The following ARL10 variants were observed in gnomAD, a reference collection of about 807,000 sequenced individuals.
The protein encoded by ARL10 is ARF like GTPase 10, also known as ADP-ribosylation factor-like protein 10.
ARL10 carries 23 observed loss-of-function variants against 26.1 expected under a neutral mutation model. The ratio of observed to expected loss-of-function variants is 0.88; its 90% CI spans 0.63 to 1.25. The LOEUF (loss-of-function observed/expected upper bound fraction) is 1.25. ARL10 is among the 50% of genes most tolerant of loss of function. The pLI is 0.00. For missense variants in ARL10, 300 were observed against 323.6 expected, an observed-to-expected ratio of 0.93 and a Z score of 0.56; for synonymous variants, 138 against 149.1, an observed-to-expected ratio of 0.93 and a Z score of 0.54.
At chr5:176,384,533 T>C (rs957802357), downstream of ARL10, 1 of 703,200 alleles carries the variant, frequency 1.4e-6, no homozygotes, top group Admixed American at 3.0e-5. Flanking sequence ...ATGCCTGTAA[T>C]CCCAACACTC....
At chr5:176,383,518 G>C (rs1755604152), downstream of ARL10, among the ~76,000 whole-genome samples, 1 of 152,248 alleles carries the variant, frequency 6.6e-6, no homozygotes. Context: ...CCAGAAGCCA[G>C]GTTGGGGGCC....
At chr5:176,394,935 A>C (rs1405191570) in intron 1 of ARL10, among the ~76,000 whole-genome samples, 1 of 151,996 alleles carries the variant, frequency 6.6e-6, no homozygotes. Context: ...GGTATTCCAC[A>C]GCACCCATGC....
At chr5:176,371,168 A>G (rs370958237) in intron 3 of ARL10, among the ~76,000 whole-genome samples, 138 of 152,310 alleles carry the variant, frequency 9.1e-4, no homozygotes, top group African/African-American at 3.0e-3. Context: ...TGAGGTCAGG[A>G]GTTCGAGACC....
At chr5:176,389,965 C>A (rs1756194509), downstream of ARL10, among the ~76,000 whole-genome samples, 1 of 151,962 alleles carries the variant, frequency 6.6e-6, no homozygotes, top group Non-Finnish European at 1.5e-5. Flanking sequence ...AGCGGATCAC[C>A]TGAGGTCAAG....
intron 1 of ARL10, among the ~76,000 whole-genome samples, chr5:176,400,880 C>T (rs557132061): frequency 1.3e-5 from 2 of 152,296 alleles, no homozygotes; most frequent in East Asian, 3.9e-4. Context: ...CCAGCAGGCA[C>T]CCGGTTCAAG....
downstream of ARL10, chr5:176,392,369 C>A (rs150383678): frequency 7.1e-5 from 12 of 169,728 alleles, no homozygotes; most frequent in East Asian, 1.9e-3. This position sits in a 1 kb window ranked among gnomAD's most constrained non-coding sequence, Gnocchi z 5.2. Flanking sequence ...TCCCACTTGG[C>A]TGGGAAATGG....
At chr5:176,384,447 G>A (rs1337883935), downstream of ARL10, 7 of 1,454,656 alleles carry the variant, frequency 4.8e-6, no homozygotes, top group Admixed American at 7.8e-5. Context: ...CCTGAATTAG[G>A]CAAGCCACTT....
intron 1 of ARL10, chr5:176,397,652 T>A (rs552006552): frequency 1.2e-6 from 2 of 1,610,838 alleles, no homozygotes; most frequent in Non-Finnish European, 1.7e-6. Context: ...CTGGCGCTGG[T>A]TCCACTCCTC....
Position 176,366,413 on chromosome 5 carries a change from G to A in ARL10, c.217G>A (p.Glu73Lys), listed in dbSNP as rs1768304310. Residue 73 changes from glutamate (E) to lysine (K), a missense_variant, in exon 2 of 4, where the codon GAG becomes AAG. By Grantham distance (56) the Glu-to-Lys change is moderately conservative (BLOSUM62 1). Coordinates refer to ENST00000310389, the MANE Select transcript of ARL10 (RefSeq NM_173664.6). ...CGAGGAGGACGAGGAGCCGGCGCTG[G>A]AGGAGCTGGAACAGCGCGAGGTGCT... Reference protein sequence around the residue: ...EDEEDEEPALEELEQREVLVL... With the variant: ...EDEEDEEPALKELEQREVLVL... 1 of 1,611,970 alleles carries A rather than the reference G, an allele frequency of 6.2e-7. No individual in the cohort carries two copies. The highest frequency in any genetic ancestry group is 1.1e-5 in the South Asian group (1 of 90,968).
In ARL10 at chr5:176,368,762, G is replaced by T. The variant is rs1418489640; in HGVS notation, c.386-45G>T. 6.4e-7 allele frequency: 1 copy of T among 1,558,168 alleles called. No individual in the cohort carries two copies. Among genetic ancestry groups the T allele is most frequent in the East Asian group, 2.3e-5 (1 of 44,346 alleles). The stretch of plus-strand genomic sequence containing the variant: ...GTGGGGTGGGGGCTGTGGGCAGTGA[G>T]CGGGGGCCCGGGAGGCTCTGAGCTG... On this transcript the variant is annotated intron_variant, in intron 2 of 3. Coordinates refer to ENST00000310389, the MANE Select transcript of ARL10 (RefSeq NM_173664.6). This position sits in a 1 kb window ranked among gnomAD's most constrained non-coding sequence, Gnocchi z 4.1.
At position 176,372,178 on chromosome 5, in the gene ARL10, AC is replaced by A. The variant is rs1561774493; in HGVS notation, c.*285del. The A allele has an allele frequency of 1.1e-5, 11 of 1,019,652 alleles. No homozygotes were observed. The highest frequency in any genetic ancestry group is 1.2e-5 in the Non-Finnish European group (9 of 767,370). The allele number at this position is 1,019,652 out of a possible 1,614,324, so 63.2% of individuals were successfully genotyped here. On this transcript the variant is annotated 3_prime_UTR_variant, in exon 4 of 4. Transcript: ENST00000310389. ...TGTGGATCCAGCTTTCCCTTCTCTT[AC>A]CTGTACAGTGAGATGCTCAGTGGGC...
At chr5:176,367,098 C>G (rs1363444424) in intron 2 of ARL10, among the ~76,000 whole-genome samples, 2 of 150,028 alleles carry the variant, frequency 1.3e-5, no homozygotes, top group Non-Finnish European at 1.5e-5. Flanking sequence ...ACCTCCTCCT[C>G]CCGGGTTCAA....
intron 3 of ARL10, chr5:176,369,244 T>A (rs1343228726): frequency 1.4e-6 from 2 of 1,428,266 alleles, no homozygotes; most frequent in African/African-American, 2.9e-5. Context: ...GTTTTTGTTT[T>A]TTTTTTGAGA....
At chr5:176,389,346 C>T, downstream of ARL10, 2 of 1,613,222 alleles carry the variant, frequency 1.2e-6, no homozygotes, top group African/African-American at 1.3e-5. Flanking sequence ...CTGGCCACGG[C>T]GGCCGCCCTC....
downstream of ARL10, chr5:176,386,216 C>T (rs770709990): frequency 1.3e-5 from 2 of 155,154 alleles, no homozygotes; most frequent in Non-Finnish European, 2.9e-5. Context: ...TCTTTGACTA[C>T]AGTAAGTGCC....
rs1185792745 is a variant in ARL10, at chr5:176,379,603, CT to C, written c.*7713del. The C allele has an allele frequency of 6.6e-6, 1 of 152,178 alleles. No homozygotes were observed. Among genetic ancestry groups the C allele is most frequent in the East Asian group, 1.9e-4 (1 of 5,196 alleles). 9.4% of individuals were successfully genotyped at this position (152,178 alleles called of 1,614,324 possible). On this transcript the variant is annotated 3_prime_UTR_variant, in exon 4 of 4. Transcript: ENST00000310389. ...AGACTGCGAAGTTCTGAATGAAGTC[CT>C]TTTTAAATAGAGCAGTTAATGCCAT...
downstream of ARL10, chr5:176,386,428 C>G (rs181955325): frequency 3.4e-6 from 1 of 297,954 alleles, no homozygotes; most frequent in African/African-American, 2.2e-5. Context: ...AGGGTTTACT[C>G]TCCTCCGTTT....
chr5:176,382,498 A>G (rs1755577975), downstream of ARL10, among the ~76,000 whole-genome samples: 2 of 152,160 alleles, frequency 1.3e-5, no homozygotes, highest in Admixed American at 6.5e-5. Flanking sequence ...AGTCTTCACT[A>G]CACTTACCTG....
chr5:176,385,182 G>T, downstream of ARL10: 1 of 1,171,134 alleles, frequency 8.5e-7, no homozygotes, highest in Non-Finnish European at 1.3e-6. Context: ...ATGGTCCAGG[G>T]CGCCTTCCCA....
Sources: gnomAD v4.1 joint callset for allele counts (sites outside exome capture counted in the v4.1 genomes callset) on GRCh38, gnomAD v4.1.1 for gene constraint, Gnocchi (gnomAD v3.1) non-coding constraint, MANE v1.5 for transcripts, NCBI Gene and HGNC (gene_info 2026-07-23, HGNC 2026-07-21) for gene names.